Variants in SEC14L1 observed in about 807,000 individuals in gnomAD.
The protein encoded by SEC14L1 is SEC14 like lipid binding 1.
A neutral mutation model predicts 85.3 loss-of-function variants in SEC14L1; 48 were observed. The ratio of observed to expected loss-of-function variants is 0.56; its 90% CI spans 0.45 to 0.72. The LOEUF (loss-of-function observed/expected upper bound fraction) is 0.72. SEC14L1 is among the 30% of genes least tolerant of loss of function. The probability of loss-of-function intolerance (pLI) is 0.00; values close to 1 mark genes in which losing one functional copy is unlikely to be tolerated. For missense variants in SEC14L1, 682 were observed against 921.4 expected, an observed-to-expected ratio of 0.74 and a Z score of 3.36; for synonymous variants, 391 against 355.5, an observed-to-expected ratio of 1.10 and a Z score of -1.12.
rs1298745619 is a variant in SEC14L1 at position 77,197,726 on chromosome 17, C to T, written c.819+1415C>T. Among the ~76,000 whole-genome samples the T allele has an allele frequency of 7.2e-5, 11 of 152,180 alleles. No homozygotes were observed. The South Asian group carries it at 2.1e-3, about 29-fold the overall frequency. On this transcript the variant is annotated intron_variant, in intron 8 of 16. Coordinates refer to ENST00000436233, the MANE Select transcript of SEC14L1 (RefSeq NM_001143998.2). ...CCAGGTTCAGGCTATTCTCCTGCCT[C>T]AGCCTCCTGAGAGCTGGGGTTAGCT...
Position 77,213,996 on chromosome 17 carries a change from C to G in SEC14L1, c.2121C>G (p.Ser707=). Residue 707 remains serine (S), a synonymous_variant, in exon 17 of 17, where the codon TCC becomes TCG. Coordinates refer to ENST00000436233, the MANE Select transcript of SEC14L1 (RefSeq NM_001143998.2). This position sits in a 1 kb window ranked among gnomAD's most constrained non-coding sequence, Gnocchi z 7.1. The part of the protein sequence containing the change: ...LSAATTSSSQ[S]HSSSMISR ...CCGCCACCACCTCCTCCAGCCAGTC[C>G]CACTCCAGCTCCATGATCTCCAGGT... is the stretch of plus-strand genomic sequence containing the variant. 2 of 1,613,324 alleles carry G rather than the reference C, an allele frequency of 1.2e-6. No individual in the cohort carries two copies. Among genetic ancestry groups the G allele is most frequent in the Non-Finnish European group, 1.7e-6 (2 of 1,179,968 alleles).
chr17:77,125,762 C>A (rs1468180931), intron 3 of SEC14L1, among the ~76,000 whole-genome samples: 2 of 152,176 alleles, frequency 1.3e-5, no homozygotes, highest in African/African-American at 4.8e-5. Context: ...TATGTGCTTG[C>A]CACCAATAGG....
At chr17:77,209,616 C>G (rs963925161) in intron 14 of SEC14L1, 140 bp downstream of exon 14, 22 of 839,686 alleles carry the variant, frequency 2.6e-5, no homozygotes, top group Non-Finnish European at 3.9e-5. Flanking sequence ...TGTTGACACT[C>G]GATATTTAGT....
chr17:77,103,846 T>C (rs1662355), intron 3 of SEC14L1, among the ~76,000 whole-genome samples: 121,350 of 149,188 alleles, frequency 0.81, 49,433 homozygotes, highest in Middle Eastern at 0.87. Flanking sequence ...GAGGATACAA[T>C]GCACAGCGGG....
intron 3 of SEC14L1, among the ~76,000 whole-genome samples, chr17:77,160,569 G>T (rs1187417998): frequency 1.3e-5 from 2 of 152,234 alleles, no homozygotes; most frequent in African/African-American, 4.8e-5. Context: ...TAGGGCTTAA[G>T]TGATTGTGGC....
intron 3 of SEC14L1, among the ~76,000 whole-genome samples, chr17:77,183,105 A>G (rs1975109462): frequency 6.6e-6 from 1 of 152,272 alleles, no homozygotes; most frequent in African/African-American, 2.4e-5. Context: ...AAGACAATAA[A>G]AACTGTAGGT....
At chr17:77,197,503 CAT>C (rs1975874966) in intron 8 of SEC14L1, among the ~76,000 whole-genome samples, 1 of 152,148 alleles carries the variant, frequency 6.6e-6, no homozygotes, top group Admixed American at 6.5e-5. Flanking sequence ...TATGATCACT[CAT>C]AATTTTTAAC....
chr17:77,159,609 G>T (rs1413573270), intron 3 of SEC14L1, among the ~76,000 whole-genome samples: 1 of 149,896 alleles, frequency 6.7e-6, no homozygotes, highest in African/African-American at 2.5e-5. Context: ...TCAAACTCCT[G>T]ACCTCATGAT....
intron 3 of SEC14L1, 117 bp downstream of exon 3, chr17:77,143,776 G>C (rs1169076208): frequency 1.4e-6 from 1 of 718,964 alleles, no homozygotes; most frequent in African/African-American, 1.8e-5. Context: ...AACTTACTCT[G>C]TTTTTATGCT....
At chr17:77,105,881 A>C (rs193150594) in intron 3 of SEC14L1, among the ~76,000 whole-genome samples, 1,848 of 152,166 alleles carry the variant, frequency 0.012, 43 homozygotes, top group South Asian at 0.046. Flanking sequence ...GAGAGGAGAC[A>C]ATCTTCCCTA....
In SEC14L1 at chr17:77,143,642, T is replaced by C; in HGVS notation, c.46T>C (p.Phe16Leu). 6.2e-7 allele frequency: 1 copy of C among 1,611,620 alleles called. No homozygotes were observed. Among genetic ancestry groups the C allele is most frequent in the Non-Finnish European group, 8.5e-7 (1 of 1,177,930 alleles). Residue 16 changes from phenylalanine to leucine, a missense_variant, in exon 3 of 17, where the codon TTT (phenylalanine) becomes CTT (leucine). Physicochemically the swap from Phe to Leu is conservative, Grantham distance 22. This residue lies in a region of SEC14L1 where 139 missense variants were observed against 201.3 expected (regional missense o/e 0.69). Coordinates refer to ENST00000436233, the MANE Select transcript of SEC14L1 (RefSeq NM_001143998.2). ...QSPVRVYKYP[F>L]ELIMAAYERR... ...CCCAGTGAGGGTGTACAAATACCCC[T>C]TTGAATTAATTATGGCTGTAAGTAC...
At chr17:77,155,863 AGCCAC>A (rs1973790711) in intron 3 of SEC14L1, among the ~76,000 whole-genome samples, 1 of 152,070 alleles carries the variant, frequency 6.6e-6, no homozygotes, top group Non-Finnish European at 1.5e-5. Flanking sequence ...TACAGGCGTG[AGCCAC>A]TTCGCCCAGT....
At chr17:77,162,739 A>C (rs1974119747) in intron 3 of SEC14L1, among the ~76,000 whole-genome samples, 1 of 151,888 alleles carries the variant, frequency 6.6e-6, no homozygotes, top group Non-Finnish European at 1.5e-5. Flanking sequence ...TTGAGGCAGG[A>C]GAATCGCTTG....
chr17:77,174,688 TG>T (rs1219085473), intron 3 of SEC14L1, among the ~76,000 whole-genome samples: 1 of 152,164 alleles, frequency 6.6e-6, no homozygotes, highest in Non-Finnish European at 1.5e-5. Flanking sequence ...GAGTGAGGAC[TG>T]GAGACCCTTC....
At position 77,186,139 on chromosome 17, in the gene SEC14L1, G is replaced by A. The variant is rs545131376; in HGVS notation, c.64-4664G>A. Among the ~76,000 whole-genome samples, 5 of 152,134 alleles carry A rather than the reference G, an allele frequency of 3.3e-5. No homozygotes were observed. The East Asian group carries it at 7.7e-4, about 24-fold the overall frequency. Reference sequence around the variant, plus strand: ...AAAATGTGACTCTGGCCACCTGTTCGTGCTCCCTCCATCCCAGCTCCTGGA... The same window carrying A: ...AAAATGTGACTCTGGCCACCTGTTCATGCTCCCTCCATCCCAGCTCCTGGA... On this transcript the variant is annotated intron_variant, in intron 3 of 16. Transcript: ENST00000436233.
At chr17:77,170,055 C>G in intron 3 of SEC14L1, among the ~76,000 whole-genome samples, 1 of 152,052 alleles carries the variant, frequency 6.6e-6, no homozygotes, top group Admixed American at 6.5e-5. Flanking sequence ...CCTGGAAGGG[C>G]AAAGGTACTT....
rs545266989 is a variant in SEC14L1 at position 77,202,738 on chromosome 17, G to A, written c.1010-832G>A. Among the ~76,000 whole-genome samples the A allele has an allele frequency of 4.6e-5, 7 of 152,066 alleles. No homozygotes were observed. In the East Asian group the frequency reaches 5.8e-4, roughly 13 times the overall value. ...ATTTTGAGACCAGCCTGGGCAACAC[G>A]GTGAAACCCTGTCTCTAGTAAAATA... is the stretch of plus-strand genomic sequence containing the variant. On this transcript the variant is annotated intron_variant, in intron 9 of 16. Coordinates refer to ENST00000436233, the MANE Select transcript of SEC14L1 (RefSeq NM_001143998.2).
At chr17:77,099,851 A>C (rs943577989) in intron 3 of SEC14L1, among the ~76,000 whole-genome samples, 3 of 152,224 alleles carry the variant, frequency 2.0e-5, no homozygotes, top group African/African-American at 7.2e-5. Context: ...TTAACGGGGA[A>C]GATCAAAAGG....
chr17:77,130,853 G>A (rs111839276), intron 3 of SEC14L1, among the ~76,000 whole-genome samples: 277 of 152,316 alleles, frequency 1.8e-3, no homozygotes, highest in Non-Finnish European at 2.9e-3. Flanking sequence ...GGATCCGCCC[G>A]CCTCGACTTC....
Sources: allele counts gnomAD v4.1 joint callset (sites outside exome capture counted in the v4.1 genomes callset), GRCh38; gene constraint gnomAD v4.1.1; regional missense constraint gnomAD v4.1.1; non-coding constraint Gnocchi (gnomAD v3.1); transcripts MANE v1.5; gene names NCBI Gene and HGNC (gene_info 2026-07-23, HGNC 2026-07-21).